Variants in SEC24A observed in about 807,000 individuals in gnomAD.
SEC24A encodes the protein protein transport protein Sec24A.
Under a neutral mutation model 129.4 loss-of-function variants are expected in SEC24A, and 93 were observed. That is an observed-to-expected ratio of 0.72 (90% CI 0.61 to 0.85). The LOEUF (loss-of-function observed/expected upper bound fraction) is 0.85. Among genes scored for constraint, SEC24A ranks in the 40% least tolerant of loss-of-function variants. SEC24A has a pLI of 0.00. For synonymous variants in SEC24A, 460 were observed against 467.3 expected, an observed-to-expected ratio of 0.98 and a Z score of 0.20; for missense variants, 1,264 against 1,307.4, an observed-to-expected ratio of 0.97 and a Z score of 0.51.
In SEC24A at chr5:134,718,104, GC is replaced by G; in HGVS notation, c.2907del (p.Ile970PhefsTer9). The G allele has an allele frequency of 6.2e-7, 1 of 1,613,912 alleles. No homozygotes were observed. The highest frequency in any genetic ancestry group is 8.5e-7 in the Non-Finnish European group (1 of 1,179,948). ...LNISDRTIPQ[P>X]PILQLSVEKL... is the part of the protein sequence containing the mutation. ...ACATCAGTGATAGAACCATACCTCAGCCCCCCATTCTTCAGCTTTCAGTGGA... is the reference window on the plus strand; with the variant it reads ...ACATCAGTGATAGAACCATACCTCAGCCCCCATTCTTCAGCTTTCAGTGGA... On this transcript the variant is annotated frameshift_variant, in exon 20 of 23. Transcript: ENST00000398844. LOFTEE classifies it high-confidence loss of function.
At chr5:134,707,674 T>C (rs1752206546) in intron 17 of SEC24A, among the ~76,000 whole-genome samples, 4 of 152,162 alleles carry the variant, frequency 2.6e-5, no homozygotes, top group Admixed American at 2.6e-4. Context: ...TGATTATTAT[T>C]ATTATTGACA....
Position 134,708,796 on chromosome 5 carries a change from C to T in SEC24A, c.2635C>T (p.Arg879Cys), listed in dbSNP as rs368611730. 78 of 1,614,028 alleles carry T rather than the reference C, an allele frequency of 4.8e-5. No homozygotes were observed. Among genetic ancestry groups the T allele is most frequent in the Non-Finnish European group, 5.8e-5 (69 of 1,180,028 alleles). The change falls in exon 18 of 23, where the codon CGT (arginine) becomes TGT (cysteine). Residue 879 changes from arginine (R) to cysteine (C), a missense_variant. Transcript: ENST00000398844. ...AGTCATTGACTCCCTTTCAGCTTAC[C>T]GTTCTTCAGTCTTAAGTAACCAGCA... Reference protein sequence around the residue: ...NAVIDSLSAYRSSVLSNQQPG... With the variant: ...NAVIDSLSAYCSSVLSNQQPG...
intron 13 of SEC24A, among the ~76,000 whole-genome samples, chr5:134,694,459 AC>A (rs769746771): frequency 4.1e-4 from 63 of 152,174 alleles, no homozygotes; most frequent in Middle Eastern, 3.4e-3. Flanking sequence ...GGAGATCGAG[AC>A]CACGGTGAAA....
At chr5:134,671,667 A>AT (rs1366730356) in intron 3 of SEC24A, 142 bp from the exon 4 acceptor site, 64 of 518,876 alleles carry the variant, frequency 1.2e-4, no homozygotes, top group Non-Finnish European at 1.8e-4. Flanking sequence ...AAAAACTTGG[A>AT]TTTTTTATGT....
intron 19 of SEC24A, 175 bp downstream of exon 19, chr5:134,715,336 A>T: frequency 1.9e-6 from 1 of 527,280 alleles, no homozygotes; most frequent in East Asian, 3.5e-5. Context: ...AGCTCTTAAA[A>T]ATAGTGCCTT....
chr5:134,696,644 A>G (rs1347708262), intron 13 of SEC24A, among the ~76,000 whole-genome samples: 2 of 151,960 alleles, frequency 1.3e-5, no homozygotes, highest in Non-Finnish European at 2.9e-5. Flanking sequence ...GACTACAGGC[A>G]CCTGCAACCA....
chr5:134,696,504 A>G (rs1391833607), intron 13 of SEC24A, among the ~76,000 whole-genome samples: 3 of 151,802 alleles, frequency 2.0e-5, no homozygotes, highest in Non-Finnish European at 4.4e-5. Flanking sequence ...TAAAAAACAT[A>G]TATATATTTT....
chr5:134,687,277 A>C (rs1751486256), intron 10 of SEC24A, among the ~76,000 whole-genome samples: 1 of 152,198 alleles, frequency 6.6e-6, no homozygotes, highest in Non-Finnish European at 1.5e-5. Context: ...CCTAACTATA[A>C]TACTAAAGTA....
chr5:134,719,264 C>G (rs1346409831), intron 20 of SEC24A, among the ~76,000 whole-genome samples: 1 of 151,604 alleles, frequency 6.6e-6, no homozygotes, highest in Non-Finnish European at 1.5e-5. Context: ...AGGCTGTAGT[C>G]CCAGCAACTC....
intron 7 of SEC24A, among the ~76,000 whole-genome samples, chr5:134,676,389 T>C (rs1478647278): frequency 2.5e-4 from 37 of 150,634 alleles, no homozygotes; most frequent in Non-Finnish European, 5.9e-5. Flanking sequence ...CCACCTGCCT[T>C]GGCCTCCCAA....
intron 3 of SEC24A, among the ~76,000 whole-genome samples, chr5:134,669,272 T>G (rs911687542): frequency 2.0e-5 from 3 of 150,946 alleles, no homozygotes; most frequent in Non-Finnish European, 4.4e-5. Flanking sequence ...GTTCAAGTGA[T>G]TCTCCTGCCT....
At chr5:134,715,219 C>G in intron 19 of SEC24A, 58 bp downstream of exon 19, 1 of 1,376,740 alleles carries the variant, frequency 7.3e-7, no homozygotes, top group Non-Finnish European at 1.0e-6. Flanking sequence ...TAATCATAGT[C>G]CAGTACAGAA....
intron 4 of SEC24A, among the ~76,000 whole-genome samples, chr5:134,673,578 C>T (rs1395508033): frequency 6.6e-6 from 1 of 151,800 alleles, no homozygotes; most frequent in Non-Finnish European, 1.5e-5. Context: ...CCACCTCAGC[C>T]TCTCAAGTAG....
chr5:134,669,658 T>A (rs980849367), intron 3 of SEC24A, among the ~76,000 whole-genome samples: 14 of 150,946 alleles, frequency 9.3e-5, no homozygotes, highest in Non-Finnish European at 2.9e-5. Context: ...TTTGTATTTT[T>A]AGTAGAGACG....
At chr5:134,695,318 G>GT (rs1751786232) in intron 13 of SEC24A, among the ~76,000 whole-genome samples, 1 of 151,844 alleles carries the variant, frequency 6.6e-6, no homozygotes, top group Non-Finnish European at 1.5e-5. Flanking sequence ...GTGAGATCGT[G>GT]CCACTACACT....
intron 2 of SEC24A, among the ~76,000 whole-genome samples, chr5:134,663,549 G>A (rs1750547699): frequency 6.6e-6 from 1 of 152,158 alleles, no homozygotes; most frequent in East Asian, 1.9e-4. Flanking sequence ...CAGGCGTGGT[G>A]GCTCACGCCT....
At chr5:134,690,603 C>G (rs1436354570) in intron 11 of SEC24A, among the ~76,000 whole-genome samples, 1 of 152,172 alleles carries the variant, frequency 6.6e-6, no homozygotes, top group East Asian at 1.9e-4. Context: ...GCATGGGCCA[C>G]CACACCTGGC....
rs925611653 is a variant in SEC24A, at chr5:134,697,880, A to G, written c.2108-19A>G. 6.2e-7 allele frequency: 1 copy of G among 1,602,638 alleles called. No individual in the cohort carries two copies. The highest frequency in any genetic ancestry group is 8.5e-7 in the Non-Finnish European group (1 of 1,176,216). ...AATAGTTAACGGCACAGTTTAAAAC[A>G]GTGTGTGTTCTCTTCCAGGTTGTAT... On this transcript the variant is annotated intron_variant, in intron 14 of 22. Coordinates refer to ENST00000398844, the MANE Select transcript of SEC24A (RefSeq NM_021982.3).
chr5:134,670,919 G>A (rs1373500918), intron 3 of SEC24A, among the ~76,000 whole-genome samples: 1 of 151,984 alleles, frequency 6.6e-6, no homozygotes, highest in Non-Finnish European at 1.5e-5. Flanking sequence ...AACCCAGGAG[G>A]TGGAGGTTGC....
Sources: allele counts gnomAD v4.1 joint callset (sites outside exome capture counted in the v4.1 genomes callset), GRCh38; gene constraint gnomAD v4.1.1; transcripts MANE v1.5; gene names NCBI Gene and HGNC (gene_info 2026-07-23, HGNC 2026-07-21).